PDE3A: variants seen among roughly 807,000 people sequenced by gnomAD.
The protein encoded by PDE3A is phosphodiesterase 3A.
In PDE3A, 43 loss-of-function variants were observed where a neutral mutation model predicts 98.3. The ratio of observed to expected loss-of-function variants is 0.44; its 90% CI spans 0.34 to 0.56. The LOEUF is 0.56. Ranked by LOEUF, PDE3A falls within the 20% of genes least tolerant of loss-of-function variation. PDE3A has a pLI of 0.01. For missense variants in PDE3A, 1,427 were observed against 1,440.7 expected, an observed-to-expected ratio of 0.99 and a Z score of 0.15; for synonymous variants, 663 against 567.9, an observed-to-expected ratio of 1.17 and a Z score of -2.38.
At chr12:20,565,927 T>A (rs934464595) in intron 2 of PDE3A, among the ~76,000 whole-genome samples, 1 of 151,878 alleles carries the variant, frequency 6.6e-6, no homozygotes, top group African/African-American at 2.4e-5. Context: ...TATATTCTCA[T>A]CAAAGGTGCT....
chr12:20,539,238 A>C (rs774437201), intron 1 of PDE3A, among the ~76,000 whole-genome samples: 10 of 152,124 alleles, frequency 6.6e-5, no homozygotes, highest in Non-Finnish European at 1.2e-4. Flanking sequence ...TAAAACACAA[A>C]ATTTATTTAT....
At chr12:20,599,963 T>TCAAA (rs967702814) in intron 2 of PDE3A, among the ~76,000 whole-genome samples, 10 of 152,318 alleles carry the variant, frequency 6.6e-5, no homozygotes, top group African/African-American at 2.4e-4. Flanking sequence ...TACTAATCTC[T>TCAAA]CAAACACTGA....
intron 2 of PDE3A, among the ~76,000 whole-genome samples, chr12:20,602,444 CAG>C (rs1437127124): frequency 6.6e-6 from 1 of 152,146 alleles, no homozygotes; most frequent in Non-Finnish European, 1.5e-5. Context: ...ATAAACAAGA[CAG>C]AATTTTTCAC....
intron 1 of PDE3A, among the ~76,000 whole-genome samples, chr12:20,405,500 A>G (rs1406187149): frequency 6.6e-6 from 1 of 152,040 alleles, no homozygotes; most frequent in African/African-American, 2.4e-5. Flanking sequence ...CACACCTGGC[A>G]CCTCACAGTT....
At chr12:20,678,677 T>C (rs1565475379) in intron 15 of PDE3A, among the ~76,000 whole-genome samples, 1 of 152,232 alleles carries the variant, frequency 6.6e-6, no homozygotes, top group Non-Finnish European at 1.5e-5. Context: ...CAGCTCTAAG[T>C]TCACTTCATG....
At chr12:20,400,549 G>T (rs1171968838) in intron 1 of PDE3A, among the ~76,000 whole-genome samples, 1 of 151,716 alleles carries the variant, frequency 6.6e-6, no homozygotes, top group African/African-American at 2.4e-5. Flanking sequence ...TGGGACTACA[G>T]GCGCCCGCCA....
intron 1 of PDE3A, among the ~76,000 whole-genome samples, chr12:20,475,176 TGA>T (rs757246758): frequency 0.18 from 11,871 of 66,116 alleles, 517 homozygotes; most frequent in East Asian, 0.3. Flanking sequence ...AAAATGTGTG[TGA>T]GTGTGTGTGT....
At chr12:20,568,591 T>C (rs1338528868) in intron 2 of PDE3A, among the ~76,000 whole-genome samples, 1 of 151,966 alleles carries the variant, frequency 6.6e-6, no homozygotes, top group East Asian at 1.9e-4. Flanking sequence ...CCGTCTCTCT[T>C]TTCATGTGAC....
chr12:20,431,873 T>G (rs1374682716), intron 1 of PDE3A, among the ~76,000 whole-genome samples: 1 of 152,210 alleles, frequency 6.6e-6, no homozygotes, highest in Non-Finnish European at 1.5e-5. Context: ...GCAGTTGTTG[T>G]AAGGTTCGTA....
chr12:20,404,531 A>G (rs1450469523), intron 1 of PDE3A, among the ~76,000 whole-genome samples: 1 of 152,302 alleles, frequency 6.6e-6, no homozygotes, highest in East Asian at 1.9e-4. Flanking sequence ...GTTCAACCTA[A>G]TTATTATATG....
rs577654052 is a variant in PDE3A, at chr12:20,607,251, C to A, written c.1012-6192C>A. On this transcript the variant is annotated intron_variant, in intron 2 of 15. Transcript: ENST00000359062. ...CCCAGGAGTTCAAGACCAGCCTGGGCAAAATAGCAAAACCCCATCTGTACC... is the reference window on the plus strand; with the variant it reads ...CCCAGGAGTTCAAGACCAGCCTGGGAAAAATAGCAAAACCCCATCTGTACC... Among the ~76,000 whole-genome samples, 255 of 151,860 alleles carry A rather than the reference C, an allele frequency of 1.7e-3. 1 individual carries two copies. Among genetic ancestry groups the A allele is most frequent in the African/African-American group, 6.0e-3 (248 of 41,426 alleles).
intron 2 of PDE3A, among the ~76,000 whole-genome samples, chr12:20,586,924 C>T (rs1312116244): frequency 3.3e-5 from 5 of 151,474 alleles, no homozygotes; most frequent in Non-Finnish European, 5.9e-5. Context: ...TTTTTTTTAC[C>T]TTCAGGAGTG....
At chr12:20,598,143 A>G (rs1943508845) in intron 2 of PDE3A, among the ~76,000 whole-genome samples, 1 of 151,842 alleles carries the variant, frequency 6.6e-6, no homozygotes, top group Non-Finnish European at 1.5e-5. Flanking sequence ...GTTGTAGCAA[A>G]TGAAATTTAC....
At chr12:20,562,856 G>A (rs1942563392) in intron 2 of PDE3A, among the ~76,000 whole-genome samples, 1 of 152,054 alleles carries the variant, frequency 6.6e-6, no homozygotes, top group Non-Finnish European at 1.5e-5. Context: ...ATAAAATTCT[G>A]GTTTGTATGA....
intron 1 of PDE3A, among the ~76,000 whole-genome samples, chr12:20,472,178 A>G (rs1000319718): frequency 1.1e-4 from 16 of 152,280 alleles, no homozygotes; most frequent in Non-Finnish European, 2.2e-4. Context: ...CATTTTCAAC[A>G]TGTTTCCTAG....
chr12:20,504,184 T>A (rs764088346), intron 1 of PDE3A, among the ~76,000 whole-genome samples: 2 of 152,134 alleles, frequency 1.3e-5, no homozygotes, highest in Non-Finnish European at 2.9e-5. Flanking sequence ...ATTTTCCTTT[T>A]CCTTCTCCTG....
intron 1 of PDE3A, among the ~76,000 whole-genome samples, chr12:20,540,065 G>T (rs79689864): frequency 6.6e-6 from 1 of 152,002 alleles, no homozygotes; most frequent in African/African-American, 2.4e-5. Context: ...ACTGTAACAG[G>T]ACTAGATTGT....
At chr12:20,583,551 G>A (rs1353255780) in intron 2 of PDE3A, among the ~76,000 whole-genome samples, 1 of 152,102 alleles carries the variant, frequency 6.6e-6, no homozygotes, top group Non-Finnish European at 1.5e-5. Flanking sequence ...GTTGCAGACT[G>A]CCTGGGATCA....
chr12:20,487,159 T>C (rs1437426607), intron 1 of PDE3A, among the ~76,000 whole-genome samples: 1 of 151,484 alleles, frequency 6.6e-6, no homozygotes, highest in Non-Finnish European at 1.5e-5. Context: ...GCGTAGTGTC[T>C]GTGAGTGTGT....
Sources: gnomAD v4.1 joint callset for allele counts (sites outside exome capture counted in the v4.1 genomes callset) on GRCh38, gnomAD v4.1.1 for gene constraint, MANE v1.5 for transcripts, NCBI Gene and HGNC (gene_info 2026-07-23, HGNC 2026-07-21) for gene names.